The following GSE1 variants were observed in gnomAD, a reference collection of about 807,000 sequenced individuals.
The protein encoded by GSE1 is Gse1 coiled-coil protein.
Under a neutral mutation model 112.6 loss-of-function variants are expected in GSE1, and 32 were observed. The observed-to-expected ratio is 0.28, with a 90% CI of 0.21 to 0.38. GSE1 has a LOEUF of 0.38. Ranked by LOEUF, GSE1 falls within the 10% of genes least tolerant of loss-of-function variation. The pLI is 1.00. For synonymous variants in GSE1, 1,115 were observed against 735.6 expected (o/e 1.52, Z -8.35); for missense variants, 2,348 against 1,699.2 (o/e 1.38, Z -6.71).
intron 11 of GSE1, 120 bp from the exon 12 acceptor site, chr16:85,664,894 CT>C (rs1323154575): frequency 1.5e-6 from 1 of 668,598 alleles, no homozygotes; most frequent in African/African-American, 1.8e-5. Flanking sequence ...ATCACACCTG[CT>C]TTTGGTTTTT....
chr16:85,261,868 T>C (rs1003913087), intron 1 of GSE1, among the ~76,000 whole-genome samples: 1 of 152,174 alleles, frequency 6.6e-6, no homozygotes, highest in African/African-American at 2.4e-5. Flanking sequence ...GCACCTGTGA[T>C]TTGGTGCCCG....
chr16:85,362,232 A>G (rs2047097716), intron 2 of GSE1, among the ~76,000 whole-genome samples: 1 of 152,222 alleles, frequency 6.6e-6, no homozygotes, highest in Non-Finnish European at 1.5e-5. Flanking sequence ...GGGGCGGGTG[A>G]GCAGTTGAGC....
intron 1 of GSE1, among the ~76,000 whole-genome samples, chr16:85,317,709 C>G: frequency 6.6e-6 from 1 of 152,170 alleles, no homozygotes; most frequent in South Asian, 2.1e-4. Flanking sequence ...ACAGTGAACG[C>G]TGGTGAGCAT....
chr16:85,672,217 A>C (rs1206229140), intron 15 of GSE1, 188 bp from the exon 16 acceptor site: 1 of 591,614 alleles, frequency 1.7e-6, no homozygotes, highest in Non-Finnish European at 3.1e-6. Flanking sequence ...CTGGTCTCGA[A>C]CTCCTGACGA....
chr16:85,589,626 TGTGAATGTCA>T (rs2151425594), intron 1 of GSE1, among the ~76,000 whole-genome samples: 2 of 152,270 alleles, frequency 1.3e-5, no homozygotes, highest in East Asian at 3.9e-4. Context: ...TGCGCATATG[TGTGAATGTCA>T]GTGAATGTGT....
chr16:85,630,744 G>T (rs908687121), intron 1 of GSE1, among the ~76,000 whole-genome samples: 7 of 152,220 alleles, frequency 4.6e-5, no homozygotes, highest in African/African-American at 1.7e-4. Context: ...GTAATGAGCA[G>T]TGGGGGCCCA....
intron 1 of GSE1, among the ~76,000 whole-genome samples, chr16:85,282,291 G>A (rs542378950): frequency 1.3e-5 from 2 of 152,326 alleles, no homozygotes; most frequent in East Asian, 3.9e-4. Context: ...CTCCCAAAGT[G>A]CTGGGATTAC....
At chr16:85,615,211 A>G (rs540245048) in intron 1 of GSE1, among the ~76,000 whole-genome samples, 87 of 152,308 alleles carry the variant, frequency 5.7e-4, no homozygotes, top group Admixed American at 3.7e-3. Flanking sequence ...CCGCCACGCC[A>G]CAGGTGAGGG....
At chr16:85,235,559 A>C (rs1234370956) in intron 1 of GSE1, among the ~76,000 whole-genome samples, 1 of 69,462 alleles carries the variant, frequency 1.4e-5, no homozygotes, top group Admixed American at 2.4e-4. Context: ...TAAAGGGACT[A>C]TATGTGTGTG....
chr16:85,327,283 G>A (rs537116952), intron 1 of GSE1, among the ~76,000 whole-genome samples: 2 of 152,168 alleles, frequency 1.3e-5, no homozygotes, highest in Admixed American at 6.5e-5. Context: ...CCTCCTGCCC[G>A]GGTCCAAGGG....
intron 1 of GSE1, among the ~76,000 whole-genome samples, chr16:85,632,658 C>T (rs770338958): frequency 2.6e-5 from 4 of 152,140 alleles, no homozygotes; most frequent in South Asian, 2.1e-4. Context: ...CAGCCTCTTC[C>T]GGGGAGGAAC....
At chr16:85,317,240 C>T (rs1009492068) in intron 1 of GSE1, among the ~76,000 whole-genome samples, 1 of 152,196 alleles carries the variant, frequency 6.6e-6, no homozygotes, top group Non-Finnish European at 1.5e-5. Context: ...GGGACTAACA[C>T]TTGCTCCATG....
chr16:85,360,590 G>A (rs926387376), intron 2 of GSE1, among the ~76,000 whole-genome samples: 2 of 152,128 alleles, frequency 1.3e-5, no homozygotes, highest in Non-Finnish European at 1.5e-5. Context: ...GGCGGGCGCT[G>A]TCTCCCGGGC....
chr16:85,503,596 C>T (rs948393609), intron 2 of GSE1, among the ~76,000 whole-genome samples: 2 of 152,178 alleles, frequency 1.3e-5, no homozygotes, highest in African/African-American at 2.4e-5. Flanking sequence ...AACACCGCAG[C>T]GACCCAAATT....
At chr16:85,672,215 G>A (rs1303239373) in intron 15 of GSE1, 190 bp from the exon 16 acceptor site, 19 of 592,002 alleles carry the variant, frequency 3.2e-5, no homozygotes, top group Admixed American at 1.5e-4. Context: ...GGCTGGTCTC[G>A]AACTCCTGAC....
chr16:85,274,321 G>T (rs1406037150), intron 1 of GSE1, among the ~76,000 whole-genome samples: 1 of 152,204 alleles, frequency 6.6e-6, no homozygotes, highest in East Asian at 1.9e-4. Context: ...GGAGGCGGAG[G>T]TTGCAGTGAG....
intron 2 of GSE1, among the ~76,000 whole-genome samples, chr16:85,514,490 C>A (rs2051859181): frequency 6.7e-6 from 1 of 149,114 alleles, no homozygotes; most frequent in Non-Finnish European, 1.5e-5. Flanking sequence ...ACAGGGCAGT[C>A]AGGCCTGGAG....
chr16:85,281,520 G>A (rs1192149023), intron 1 of GSE1, among the ~76,000 whole-genome samples: 3 of 152,198 alleles, frequency 2.0e-5, no homozygotes, highest in South Asian at 2.1e-4. Flanking sequence ...GCATCGGAGC[G>A]CCGTCTAACC....
At chr16:85,330,306 G>A (rs71389115) in intron 1 of GSE1, among the ~76,000 whole-genome samples, 4,623 of 152,314 alleles carry the variant, frequency 0.03, 95 homozygotes, top group African/African-American at 0.056. Context: ...GTGACAGACC[G>A]AGGAGCTGGA....
Sources: gnomAD v4.1 joint callset for allele counts (sites outside exome capture counted in the v4.1 genomes callset) on GRCh38, gnomAD v4.1.1 for gene constraint, MANE v1.5 for transcripts, NCBI Gene and HGNC (gene_info 2026-07-23, HGNC 2026-07-21) for gene names.